PCDH19: variants seen among roughly 807,000 people sequenced by gnomAD.
The protein encoded by PCDH19 is protocadherin 19, also known as protocadherin-19.
In PCDH19, 6 loss-of-function variants were observed where a neutral mutation model predicts 46.2. The ratio of observed to expected loss-of-function variants is 0.13; its 90% CI spans 0.07 to 0.26. The LOEUF (loss-of-function observed/expected upper bound fraction) is 0.26, where lower values mean the gene tolerates loss of function less well. Ranked by LOEUF, PCDH19 falls within the 10% of genes least tolerant of loss-of-function variation. The pLI is 1.00. For missense variants in PCDH19, 740 were observed against 972.3 expected, an observed-to-expected ratio of 0.76 and a Z score of 3.18; for synonymous variants, 481 against 415.7, an observed-to-expected ratio of 1.16 and a Z score of -1.91.
At chrX:100,393,500 AC>A (rs1927924404) in intron 3 of PCDH19, among the ~76,000 whole-genome samples, 5 of 18,409 alleles carry the variant, frequency 2.7e-4, no homozygotes, top group African/African-American at 2.3e-3. Flanking sequence ...ACATACATAC[AC>A]ACACACACAC....
chrX:100,322,855 A>ATT (rs1174067533), intron 5 of PCDH19, among the ~76,000 whole-genome samples: 1 of 54,728 alleles, frequency 1.8e-5, no homozygotes, highest in Non-Finnish European at 3.4e-5. Flanking sequence ...ATATATATAT[A>ATT]TATATATATA....
At chrX:100,404,786 C>T (rs1322883331) in intron 1 of PCDH19, among the ~76,000 whole-genome samples, 1 of 111,400 alleles carries the variant, frequency 9.0e-6, no homozygotes, top group Non-Finnish European at 1.9e-5. Flanking sequence ...TATGCATTTA[C>T]TTTATGCTGA....
chrX:100,402,965 T>C (rs1390070277), intron 2 of PCDH19, 114 bp from the exon 3 acceptor site: 4 of 563,692 alleles, frequency 7.1e-6, no homozygotes, highest in Non-Finnish European at 3.0e-6. Flanking sequence ...AGCTCCTTAT[T>C]CTGGTGCATT....
At chrX:100,375,792 A>C (rs1031259806) in intron 3 of PCDH19, among the ~76,000 whole-genome samples, 1 of 112,308 alleles carries the variant, frequency 8.9e-6, no homozygotes, top group African/African-American at 3.2e-5. Context: ...AGGGCATTTC[A>C]ATTGAGGATC....
chrX:100,356,101 T>C (rs749699801), intron 3 of PCDH19, among the ~76,000 whole-genome samples: 29 of 110,752 alleles, frequency 2.6e-4, no homozygotes, highest in South Asian at 2.3e-3. Context: ...GTTGCAGACA[T>C]TGGGATTAAA....
chrX:100,341,817 CA>C, intron 5 of PCDH19, 85 bp downstream of exon 5: 1 of 850,638 alleles, frequency 1.2e-6, no homozygotes, highest in Non-Finnish European at 1.7e-6. Flanking sequence ...ATAATACACT[CA>C]TTAAGCAAAG....
intron 3 of PCDH19, among the ~76,000 whole-genome samples, chrX:100,372,307 T>C (rs1042127997): frequency 8.9e-5 from 10 of 112,101 alleles, no homozygotes; most frequent in African/African-American, 2.9e-4. Flanking sequence ...AACCTGATCC[T>C]GATCTCTGAC....
At chrX:100,366,391 C>T (rs762473560) in intron 3 of PCDH19, among the ~76,000 whole-genome samples, 1 of 111,565 alleles carries the variant, frequency 9.0e-6, no homozygotes, top group African/African-American at 3.3e-5. Flanking sequence ...CATTTTTCCT[C>T]TCTAAATAGT....
intron 3 of PCDH19, among the ~76,000 whole-genome samples, chrX:100,395,109 G>A (rs1282404414): frequency 9.1e-6 from 1 of 110,449 alleles, no homozygotes; most frequent in Admixed American, 9.6e-5. Context: ...GGATGGTCTC[G>A]ATCTCCTGAC....
At chrX:100,405,986 A>T (rs1263073513) in intron 1 of PCDH19, among the ~76,000 whole-genome samples, 2 of 110,826 alleles carry the variant, frequency 1.8e-5, no homozygotes, top group Non-Finnish European at 3.8e-5. Flanking sequence ...GTCTCTCTCC[A>T]GAGTTCATCA....
intron 5 of PCDH19, among the ~76,000 whole-genome samples, chrX:100,336,063 T>G (rs763916768): frequency 2.7e-5 from 3 of 112,397 alleles, no homozygotes; most frequent in Non-Finnish European, 5.6e-5. Flanking sequence ...AACCGCTTTG[T>G]TCACGTAAAG....
chrX:100,407,134 G>A lies in PCDH19; in HGVS notation c.1464C>T (p.Val488=), dbSNP rs1214299496. Reference sequence around the variant, plus strand: ...CCTGCGACGGCACGATCTGGTAGGAGACACTGCCGTTGAGACCCAGGTCGG... The same window carrying A: ...CCTGCGACGGCACGATCTGGTAGGAAACACTGCCGTTGAGACCCAGGTCGG... ...RDPDLGLNGS[V]SYQIVPSQVR... is the part of the protein sequence containing the mutation. The change falls in exon 1 of 6, where the codon GTC becomes GTT. Residue 488 remains valine, a synonymous_variant. Transcript: ENST00000373034. The A allele has an allele frequency of 1.6e-6, 2 of 1,212,229 alleles. No individual in the cohort carries two copies. The highest frequency in any genetic ancestry group is 5.9e-5 in the East Asian group (2 of 33,842).
At chrX:100,342,203 A>T in intron 4 of PCDH19, 128 bp from the exon 5 acceptor site, 1 of 577,669 alleles carries the variant, frequency 1.7e-6, no homozygotes, top group Non-Finnish European at 3.0e-6. Context: ...GGGTAGGAAT[A>T]AGGGGAAGAG....
intron 3 of PCDH19, among the ~76,000 whole-genome samples, chrX:100,375,909 TAA>T (rs1366199456): frequency 8.9e-6 from 1 of 111,967 alleles, no homozygotes; most frequent in African/African-American, 3.3e-5. Context: ...TCCATACTAA[TAA>T]AGTCTCTTTA....
At chrX:100,385,560 A>T (rs1230097248) in intron 3 of PCDH19, among the ~76,000 whole-genome samples, 1 of 112,372 alleles carries the variant, frequency 8.9e-6, no homozygotes, top group Non-Finnish European at 1.9e-5. Context: ...AATACAATTC[A>T]GCCACTAAAA....
intron 5 of PCDH19, among the ~76,000 whole-genome samples, chrX:100,338,341 C>CAAAAAAAA (rs1192568481): frequency 1.8e-3 from 65 of 35,745 alleles, no homozygotes; most frequent in Non-Finnish European, 2.0e-3. Context: ...GACTCCGTCT[C>CAAAAAAAA]AAAAAAAAAA....
chrX:100,388,730 C>G (rs1251201165), intron 3 of PCDH19, among the ~76,000 whole-genome samples: 1 of 110,286 alleles, frequency 9.1e-6, no homozygotes, highest in Non-Finnish European at 1.9e-5. Context: ...CTTGCCATCA[C>G]TGTTTTTTTT....
chrX:100,396,123 C>A (rs181039152), intron 3 of PCDH19, among the ~76,000 whole-genome samples: 51 of 111,882 alleles, frequency 4.6e-4, no homozygotes, highest in African/African-American at 1.6e-3. Flanking sequence ...TTGGCCTCCC[C>A]TAAATCCTGG....
At chrX:100,386,784 G>GA (rs764299663) in intron 3 of PCDH19, among the ~76,000 whole-genome samples, 2 of 111,847 alleles carry the variant, frequency 1.8e-5, no homozygotes, top group African/African-American at 3.2e-5. Context: ...CCACTCACAT[G>GA]AAAAAATCAA....
Sources: gnomAD v4.1 joint callset for allele counts (sites outside exome capture counted in the v4.1 genomes callset) on GRCh38, gnomAD v4.1.1 for gene constraint, MANE v1.5 for transcripts, NCBI Gene and HGNC (gene_info 2026-07-23, HGNC 2026-07-21) for gene names.